Variants in BTC observed in about 807,000 individuals in gnomAD.
BTC encodes the protein betacellulin.
In BTC, 13 loss-of-function variants were observed where a neutral mutation model predicts 18.1. The ratio of observed to expected loss-of-function variants is 0.72; its 90% CI spans 0.47 to 1.14. The LOEUF is 1.14. Ranked by LOEUF, BTC falls within the 50% of genes most tolerant of loss-of-function variation. BTC has a pLI of 0.00. For synonymous variants in BTC, 83 were observed against 79.4 expected (o/e 1.05, Z -0.24); for missense variants, 247 against 224.2 (o/e 1.10, Z -0.65).
intron 1 of BTC, 30 bp downstream of exon 1, chr4:74,794,232 T>C: frequency 6.5e-7 from 1 of 1,549,914 alleles, no homozygotes; most frequent in Non-Finnish European, 8.7e-7. Context: ...ACTTTCCTCC[T>C]GGTTTCCAGT....
At chr4:74,773,267 T>A (rs1220453810) in intron 1 of BTC, among the ~76,000 whole-genome samples, 2 of 152,318 alleles carry the variant, frequency 1.3e-5, no homozygotes, top group Non-Finnish European at 2.9e-5. Context: ...AATGCTTTCC[T>A]AGCAACAGCT....
At position 74,793,534 on chromosome 4, in the gene BTC, C is replaced by G. The variant is rs1443590050; in HGVS notation, c.64+728G>C. Among the ~76,000 whole-genome samples, 3 of 152,140 alleles carry G rather than the reference C, an allele frequency of 2.0e-5. No individual in the cohort carries two copies. In the East Asian group the frequency reaches 5.8e-4, roughly 29 times the overall value. ...CTGGTTTCCCTTCCCTTCTCTGCCC[C>G]GCAAAATGACCATGATGCAGAGAGC... On this transcript the variant is annotated intron_variant, in intron 1 of 5. Transcript: ENST00000395743.
chr4:74,755,850 T>A lies in BTC; in HGVS notation c.281+9A>T. The A allele has an allele frequency of 6.2e-7, 1 of 1,613,278 alleles. No individual in the cohort carries two copies. Among genetic ancestry groups the A allele is most frequent in the South Asian group, 1.1e-5 (1 of 91,042 alleles). On this transcript the variant is annotated intron_variant, in intron 3 of 5. Coordinates refer to ENST00000395743, the MANE Select transcript of BTC (RefSeq NM_001729.4). ...CCTTTTGCTTGCTGGCTGAGGACAC[T>A]CCACTTACACACAGGAGGGCGTCTG...
chr4:74,753,619 G>A (rs1724519880), intron 3 of BTC, among the ~76,000 whole-genome samples: 1 of 152,136 alleles, frequency 6.6e-6, no homozygotes, highest in Admixed American at 6.5e-5. Context: ...AAGAAAAGGA[G>A]ATACTTCTGG....
intron 2 of BTC, among the ~76,000 whole-genome samples, chr4:74,756,247 GT>G (rs1344263570): frequency 6.6e-6 from 1 of 152,082 alleles, no homozygotes; most frequent in Non-Finnish European, 1.5e-5. Context: ...CATTTAAAGG[GT>G]AAAACACAAG....
At position 74,750,787 on chromosome 4, in the gene BTC, G is replaced by A. The variant is rs572666698; in HGVS notation, c.282-68C>T. 1.9e-6 allele frequency: 3 copies of A among 1,546,868 alleles called. No individual in the cohort carries two copies. In the African/African-American group the frequency reaches 4.2e-5, roughly 22 times the overall value. On this transcript the variant is annotated intron_variant, in intron 3 of 5. Coordinates refer to ENST00000395743, the MANE Select transcript of BTC (RefSeq NM_001729.4). ...TTTTAAGAATCTCTACTTCTTTTCT[G>A]AAGAAATTAACAGTTCTCATTACTT... is the stretch of plus-strand genomic sequence containing the variant.
chr4:74,748,344 T>C (rs1178787952), intron 4 of BTC, among the ~76,000 whole-genome samples, 195 bp from the exon 5 acceptor site: 5 of 152,022 alleles, frequency 3.3e-5, no homozygotes, highest in Admixed American at 2.0e-4. Flanking sequence ...GTCAGGAGAT[T>C]GAGACCACGC....
chr4:74,773,533 A>G (rs973660607), intron 1 of BTC, among the ~76,000 whole-genome samples: 2 of 152,192 alleles, frequency 1.3e-5, no homozygotes, highest in African/African-American at 2.4e-5. Flanking sequence ...TGCAAGACTC[A>G]AGACACTGAA....
intron 3 of BTC, among the ~76,000 whole-genome samples, chr4:74,751,810 AT>A (rs1553956216): frequency 2.0e-5 from 3 of 152,186 alleles, no homozygotes; most frequent in African/African-American, 7.2e-5. Flanking sequence ...ATTAATAAAC[AT>A]TTTCCTTTAT....
At chr4:74,760,637 C>T (rs1020236006) in intron 2 of BTC, among the ~76,000 whole-genome samples, 5 of 152,038 alleles carry the variant, frequency 3.3e-5, no homozygotes, top group African/African-American at 4.8e-5. Flanking sequence ...TGAAAGGGGA[C>T]GTTACATCTC....
intron 4 of BTC, 92 bp from the exon 5 acceptor site, chr4:74,748,241 T>C (rs1553955686): frequency 2.4e-6 from 2 of 830,534 alleles, no homozygotes; most frequent in East Asian, 2.7e-5. Flanking sequence ...CAGGTTTCTT[T>C]TTTTAAAAAA....
chr4:74,782,257 C>T (rs1725351607), intron 1 of BTC, among the ~76,000 whole-genome samples: 1 of 152,156 alleles, frequency 6.6e-6, no homozygotes, highest in African/African-American at 2.4e-5. Flanking sequence ...TCCTGATGCT[C>T]TCCCTATCCC....
intron 2 of BTC, among the ~76,000 whole-genome samples, chr4:74,767,146 T>C (rs1198660056): frequency 6.6e-6 from 1 of 151,308 alleles, no homozygotes; most frequent in Non-Finnish European, 1.5e-5. Context: ...TGTTTGAAGA[T>C]GACATGATCC....
intron 1 of BTC, among the ~76,000 whole-genome samples, chr4:74,781,777 T>TC (rs1725338728): frequency 6.6e-6 from 1 of 151,960 alleles, no homozygotes; most frequent in African/African-American, 2.4e-5. Flanking sequence ...ATTAAATACA[T>TC]CCACATTGTG....
intron 1 of BTC, among the ~76,000 whole-genome samples, chr4:74,775,161 G>C (rs1217560227): frequency 6.6e-6 from 1 of 152,062 alleles, no homozygotes; most frequent in Non-Finnish European, 1.5e-5. Flanking sequence ...CAGTAGATGA[G>C]GTATAGATCC....
intron 2 of BTC, among the ~76,000 whole-genome samples, chr4:74,759,736 A>T (rs1724702067): frequency 1.3e-5 from 2 of 152,082 alleles, no homozygotes; most frequent in African/African-American, 4.8e-5. Context: ...TGCAAAAGGA[A>T]TCGGAAGTAA....
intron 1 of BTC, among the ~76,000 whole-genome samples, chr4:74,788,178 T>A (rs1010831196): frequency 6.6e-6 from 1 of 152,228 alleles, no homozygotes; most frequent in Non-Finnish European, 1.5e-5. Context: ...TTCCGACTAA[T>A]GCCCTCATTT....
intron 1 of BTC, among the ~76,000 whole-genome samples, chr4:74,775,963 C>T (rs1725164846): frequency 6.6e-6 from 1 of 152,124 alleles, no homozygotes; most frequent in Non-Finnish European, 1.5e-5. Context: ...AAGTGCCATC[C>T]CACAGGGTCT....
At chr4:74,792,670 A>C (rs59105023) in intron 1 of BTC, among the ~76,000 whole-genome samples, 1 of 152,210 alleles carries the variant, frequency 6.6e-6, no homozygotes, top group Non-Finnish European at 1.5e-5. Flanking sequence ...TACTCTTTCC[A>C]GTAAAGCATG....
Sources: gnomAD v4.1 joint callset for allele counts (sites outside exome capture counted in the v4.1 genomes callset) on GRCh38, gnomAD v4.1.1 for gene constraint, MANE v1.5 for transcripts, NCBI Gene and HGNC (gene_info 2026-07-23, HGNC 2026-07-21) for gene names.